Variants in FAM149B1 observed in about 807,000 individuals in gnomAD.
The protein encoded by FAM149B1 is family with sequence similarity 149 member B1.
In FAM149B1, 56 loss-of-function variants were observed where a neutral mutation model predicts 75.3. The observed-to-expected ratio is 0.74, with a 90% CI of 0.60 to 0.93. FAM149B1 has a LOEUF of 0.93. Ranked by LOEUF, FAM149B1 falls within the 40% of genes least tolerant of loss-of-function variation. The probability of loss-of-function intolerance (pLI) is 0.00; values close to 1 mark genes in which losing one functional copy is unlikely to be tolerated. For synonymous variants in FAM149B1, 259 were observed against 256.1 expected (o/e 1.01, Z -0.11); for missense variants, 639 against 708.4 (o/e 0.90, Z 1.11).
chr10:73,174,900 G>T (rs1843879058), intron 2 of FAM149B1, 109 bp downstream of exon 2: 4 of 712,254 alleles, frequency 5.6e-6, no homozygotes, highest in Non-Finnish European at 9.6e-6. Context: ...AACAAAGCAA[G>T]AATTTTTGTC....
rs1265030942 is a variant in FAM149B1 at position 73,181,874 on chromosome 10, T to C, written c.282+3899T>C. Among the ~76,000 whole-genome samples the C allele has an allele frequency of 2.0e-5, 3 of 152,364 alleles. No individual in the cohort carries two copies. In the East Asian group the frequency reaches 5.8e-4, roughly 29 times the overall value. ...CCAACTCTTATTGTATTGGGACCTATATCTCTCTTTAGCTCTCATAATATT... is the reference window on the plus strand; with the variant it reads ...CCAACTCTTATTGTATTGGGACCTACATCTCTCTTTAGCTCTCATAATATT... On this transcript the variant is annotated intron_variant, in intron 3 of 13. Coordinates refer to ENST00000242505, the MANE Select transcript of FAM149B1 (RefSeq NM_173348.2).
intron 13 of FAM149B1, among the ~76,000 whole-genome samples, chr10:73,239,674 A>C (rs1385318374): frequency 2.0e-5 from 3 of 151,926 alleles, no homozygotes; most frequent in Non-Finnish European, 2.9e-5. Context: ...TTTAAATCTA[A>C]AAAGTTCAAC....
At chr10:73,205,524 C>T (rs1308064093) in intron 5 of FAM149B1, among the ~76,000 whole-genome samples, 1 of 151,934 alleles carries the variant, frequency 6.6e-6, no homozygotes, top group African/African-American at 2.4e-5. Context: ...ATAAATTACC[C>T]AGTCTCAGGT....
Position 73,243,946 on chromosome 10 carries a change from CAT to C in FAM149B1, c.*2928_*2929del. The C allele has an allele frequency of 1.2e-6, 2 of 1,610,200 alleles. No individual in the cohort carries two copies. The highest frequency in any genetic ancestry group is 4.5e-5 in the East Asian group (2 of 44,824). On this transcript the variant is annotated 3_prime_UTR_variant, in exon 14 of 14. Transcript: ENST00000242505. ...TTCCTGAGCCTGAAACAGGAACTCA[CAT>C]GAGACTCAGGGCCACCAGGAAATGC...
intron 3 of FAM149B1, chr10:73,192,149 C>T (rs1369829070): frequency 2.5e-5 from 4 of 161,894 alleles, no homozygotes; most frequent in Admixed American, 1.3e-4. Flanking sequence ...ATCCACCCAC[C>T]TTGGTCTCCC....
intron 5 of FAM149B1, chr10:73,200,600 T>C: frequency 1.4e-6 from 1 of 699,520 alleles, no homozygotes; most frequent in Non-Finnish European, 2.3e-6. Context: ...GGATCAAATC[T>C]ATGAGATTTT....
intron 7 of FAM149B1, among the ~76,000 whole-genome samples, chr10:73,211,617 C>A (rs978872146): frequency 2.6e-5 from 4 of 152,024 alleles, no homozygotes; most frequent in African/African-American, 9.7e-5. Context: ...ATGAGTAGAT[C>A]GATAAAAAGG....
chr10:73,198,551 T>G (rs2042859269), intron 5 of FAM149B1, among the ~76,000 whole-genome samples: 1 of 152,168 alleles, frequency 6.6e-6, no homozygotes, highest in African/African-American at 2.4e-5. Flanking sequence ...ATGCCTGTAA[T>G]CCCAACACTT....
chr10:73,218,256 T>C (rs1043158969), intron 7 of FAM149B1, among the ~76,000 whole-genome samples: 7 of 152,230 alleles, frequency 4.6e-5, no homozygotes, highest in Non-Finnish European at 8.8e-5. Context: ...CCTCTGCAGT[T>C]CTTTGCTCCA....
chr10:73,243,761 AAAC>A lies in FAM149B1; in HGVS notation c.*2745_*2747del. The A allele has an allele frequency of 7.3e-7, 1 of 1,366,438 alleles. No individual in the cohort carries two copies. Among genetic ancestry groups the A allele is most frequent in the South Asian group, 1.3e-5 (1 of 79,402 alleles). 84.6% of individuals were successfully genotyped at this position (1,366,438 alleles called of 1,614,324 possible). A position where few individuals can be genotyped will look rare whatever the true frequency, so the allele number is the denominator to read the frequency against. On this transcript the variant is annotated 3_prime_UTR_variant, in exon 14 of 14. Coordinates refer to ENST00000242505, the MANE Select transcript of FAM149B1 (RefSeq NM_173348.2). ...TATGCGGTTATGTCTTAAAAGAAGA[AAAC>A]AAAATACAACATTCCAAAGAAAATA...
intron 3 of FAM149B1, among the ~76,000 whole-genome samples, chr10:73,180,110 T>C (rs1054079299): frequency 6.6e-6 from 1 of 152,176 alleles, no homozygotes; most frequent in African/African-American, 2.4e-5. Flanking sequence ...CTAAGAAAGA[T>C]GACAGGGTGC....
intron 1 of FAM149B1, among the ~76,000 whole-genome samples, chr10:73,174,450 TATC>T (rs1367768573): frequency 1.3e-5 from 2 of 152,228 alleles, no homozygotes; most frequent in African/African-American, 2.4e-5. Context: ...TCCAAAATAT[TATC>T]ATTTTAATAT....
intron 5 of FAM149B1, chr10:73,200,998 T>C (rs2042921678): frequency 3.2e-6 from 1 of 310,784 alleles, no homozygotes; most frequent in Admixed American, 3.4e-5. Flanking sequence ...CACTATTTAC[T>C]TGTTGGCACG....
chr10:73,226,786 T>G (rs1378675103), intron 7 of FAM149B1, among the ~76,000 whole-genome samples: 1 of 151,334 alleles, frequency 6.6e-6, no homozygotes, highest in Non-Finnish European at 1.5e-5. Context: ...AAGAGAACAC[T>G]TGCAGTTTTG....
chr10:73,185,579 A>ATTT (rs2042501904), intron 3 of FAM149B1, among the ~76,000 whole-genome samples: 1 of 152,172 alleles, frequency 6.6e-6, no homozygotes, highest in African/African-American at 2.4e-5. Context: ...TCCCACAAAG[A>ATTT]AGTCCAGGCA....
At position 73,212,369 on chromosome 10, in the gene FAM149B1, C is replaced by T. The variant is rs555983309; in HGVS notation, c.898+1931C>T. Among the ~76,000 whole-genome samples, 5 of 152,246 alleles carry T rather than the reference C, an allele frequency of 3.3e-5. No homozygotes were observed. In the South Asian group the frequency reaches 1.0e-3, roughly 32 times the overall value. ...GATCTTGGCCCACTGCAACCTCTGC[C>T]GCCTAGGTTCAAGCGATTCTCCTGC... On this transcript the variant is annotated intron_variant, in intron 7 of 13. Coordinates refer to ENST00000242505, the MANE Select transcript of FAM149B1 (RefSeq NM_173348.2).
chr10:73,184,951 G>C (rs1174600391), intron 3 of FAM149B1, among the ~76,000 whole-genome samples: 1 of 152,120 alleles, frequency 6.6e-6, no homozygotes, highest in Non-Finnish European at 1.5e-5. Flanking sequence ...AAAGTCAAAA[G>C]CTGTTTCTTT....
chr10:73,226,030 T>G (rs1048623903), intron 7 of FAM149B1, among the ~76,000 whole-genome samples: 3 of 152,244 alleles, frequency 2.0e-5, no homozygotes, highest in African/African-American at 4.8e-5. Context: ...AATGCCATTC[T>G]CAGAAGGTAT....
intron 7 of FAM149B1, among the ~76,000 whole-genome samples, chr10:73,226,402 G>A (rs1039753819): frequency 1.6e-4 from 24 of 152,286 alleles, no homozygotes; most frequent in African/African-American, 5.8e-4. Context: ...CTACTTGGGA[G>A]GCTGAGGCAG....
Sources: gnomAD v4.1 joint callset for allele counts (sites outside exome capture counted in the v4.1 genomes callset) on GRCh38, gnomAD v4.1.1 for gene constraint, MANE v1.5 for transcripts, NCBI Gene and HGNC (gene_info 2026-07-23, HGNC 2026-07-21) for gene names.